The following NBN variants were observed in gnomAD, a reference collection of about 807,000 sequenced individuals.
The protein encoded by NBN is Nijmegen breakage syndrome 1 (nibrin).
NBN carries 88 observed loss-of-function variants against 90.8 expected under a neutral mutation model. That is an observed-to-expected ratio of 0.97 (90% CI 0.82 to 1.16). The LOEUF is 1.16. NBN is among the 50% of genes most tolerant of loss of function. The probability of loss-of-function intolerance (pLI) is 0.00; values close to 1 mark genes in which losing one functional copy is unlikely to be tolerated. For synonymous variants in NBN, 328 were observed against 295.1 expected, an observed-to-expected ratio of 1.11 and a Z score of -1.14; for missense variants, 894 against 869.6, an observed-to-expected ratio of 1.03 and a Z score of -0.35.
intron 8 of NBN, among the ~76,000 whole-genome samples, chr8:89,963,271 C>T (rs894915162): frequency 6.6e-6 from 1 of 152,172 alleles, no homozygotes; most frequent in African/African-American, 2.4e-5. Context: ...AGGAGATACA[C>T]GGACTGACTC....
intron 5 of NBN, among the ~76,000 whole-genome samples, chr8:89,975,645 T>C (rs1358349620): frequency 6.6e-6 from 1 of 152,334 alleles, no homozygotes; most frequent in East Asian, 1.9e-4. Flanking sequence ...ATAGTCGTCA[T>C]GTACATTGAT....
rs1586111504 is a variant in NBN, at chr8:89,982,724, G to A, written c.169C>T (p.Leu57=). ...GTGAAATAAAATTAGTAACATACCA[G>A]GTTGGTTACAGAAAAGTTAGCAGTT... ...VLTANFSVTN[L]SQTDEIPVLT... Residue 57 remains leucine, a splice_region_variant and synonymous_variant, in exon 2 of 16, where the codon CTG becomes TTG. Transcript: ENST00000265433. The A allele has an allele frequency of 6.2e-7, 1 of 1,613,032 alleles. No individual in the cohort carries two copies. The highest frequency in any genetic ancestry group is 8.5e-7 in the Non-Finnish European group (1 of 1,179,100).
chr8:89,945,177 A>G (rs1343873755), intron 13 of NBN, among the ~76,000 whole-genome samples: 1 of 152,218 alleles, frequency 6.6e-6, no homozygotes, highest in Non-Finnish European at 1.5e-5. Context: ...ATGAGATCTT[A>G]TAACACAATA....
intron 5 of NBN, among the ~76,000 whole-genome samples, chr8:89,973,782 C>T (rs978783386): frequency 6.6e-6 from 1 of 152,148 alleles, no homozygotes; most frequent in African/African-American, 2.4e-5. Context: ...GGAAAGTAAC[C>T]TGTCAGAGAC....
In NBN at chr8:89,964,433, T is replaced by C. The variant is rs781711300; in HGVS notation, c.971A>G (p.Asp324Gly). Residue 324 changes from aspartate to glycine, a missense_variant, in exon 8 of 16, where the codon GAT becomes GGT. Transcript: ENST00000265433. ...ACCTGTACTGGGATGGCCCTGAGGA[T>C]CACAGTAATTCTTTGTAGTCATGAA... is the stretch of plus-strand genomic sequence containing the variant. ...VIFMTTKNYC[D>G]PQGHPSTGLK... 6.2e-7 allele frequency: 1 copy of C among 1,613,856 alleles called. No homozygotes were observed. The highest frequency in any genetic ancestry group is 2.2e-5 in the East Asian group (1 of 44,826).
chr8:89,967,466 A>T (rs1431347643), intron 7 of NBN, among the ~76,000 whole-genome samples: 4 of 152,228 alleles, frequency 2.6e-5, no homozygotes, highest in African/African-American at 9.6e-5. Context: ...TGTCTGAAAA[A>T]TAACTAAATA....
chr8:89,981,712 T>C, intron 2 of NBN, 189 bp from the exon 3 acceptor site: 1 of 652,594 alleles, frequency 1.5e-6, no homozygotes, highest in Non-Finnish European at 2.6e-6. Context: ...CTTAGGGAAG[T>C]TTCTTAACCC....
chr8:89,951,757 A>G (rs988185970), intron 11 of NBN, among the ~76,000 whole-genome samples: 3 of 132,806 alleles, frequency 2.3e-5, no homozygotes, highest in African/African-American at 8.2e-5. Context: ...ATCCTTCACA[A>G]TAAAAAAAAA....
At chr8:89,960,967 A>T (rs568659862) in intron 8 of NBN, among the ~76,000 whole-genome samples, 24 of 152,270 alleles carry the variant, frequency 1.6e-4, no homozygotes, top group Middle Eastern at 3.4e-3. Context: ...ACCCACCTAA[A>T]CCTACCTACG....
At chr8:89,965,231 G>C (rs1208267311) in intron 7 of NBN, among the ~76,000 whole-genome samples, 1 of 152,156 alleles carries the variant, frequency 6.6e-6, no homozygotes, top group Non-Finnish European at 1.5e-5. Context: ...GAAGGACGGA[G>C]AGAAGTAGAC....
intron 11 of NBN, among the ~76,000 whole-genome samples, chr8:89,950,300 C>T (rs909636691): frequency 2.0e-5 from 3 of 152,164 alleles, no homozygotes; most frequent in Admixed American, 6.5e-5. Flanking sequence ...ATAAATTTTG[C>T]ATATAACCTA....
rs567816134 is a variant in NBN, at chr8:89,934,519, T to C, written c.*1063A>G. Reference sequence around the variant, plus strand: ...CAAGTAGATGCACTTCCACAAGATTTGGAAGGTGAGAGTGATGTAGAGGCC... The same window carrying C: ...CAAGTAGATGCACTTCCACAAGATTCGGAAGGTGAGAGTGATGTAGAGGCC... On this transcript the variant is annotated 3_prime_UTR_variant, in exon 16 of 16. Transcript: ENST00000265433. The C allele has an allele frequency of 4.3e-6, 1 of 233,210 alleles. No homozygotes were observed. The highest frequency in any genetic ancestry group is 2.2e-5 in the African/African-American group (1 of 45,476). 14.4% of individuals were successfully genotyped at this position (233,210 alleles called of 1,614,324 possible).
chr8:89,971,555 C>A (rs1811519645), intron 5 of NBN, among the ~76,000 whole-genome samples: 1 of 152,114 alleles, frequency 6.6e-6, no homozygotes, highest in Non-Finnish European at 1.5e-5. Flanking sequence ...ACAATCATAA[C>A]AGGATGAACA....
rs200297914 is a variant in NBN, at chr8:89,958,813, C to G, written c.1036G>C (p.Val346Leu). The stretch of plus-strand genomic sequence containing the variant: ...GGCATTAGTTTTTCATCAACTGACA[C>G]GCCTTGTGAAAGGCTTGGTCCTGGA... ...TTPGPSLSQG[V>L]SVDEKLMPSA... Residue 346 changes from valine (V) to leucine (L), a missense_variant, in exon 9 of 16, where the codon GTG (valine) becomes CTG (leucine). Val to Leu is a conservative substitution (Grantham distance 32, BLOSUM62 1). Coordinates refer to ENST00000265433, the MANE Select transcript of NBN (RefSeq NM_002485.5). The G allele has an allele frequency of 6.2e-7, 1 of 1,613,912 alleles. No homozygotes were observed. Among genetic ancestry groups the G allele is most frequent in the Non-Finnish European group, 8.5e-7 (1 of 1,179,794 alleles).
At chr8:89,950,582 TACA>T (rs1473858168) in intron 11 of NBN, among the ~76,000 whole-genome samples, 5 of 152,146 alleles carry the variant, frequency 3.3e-5, no homozygotes, top group African/African-American at 9.7e-5. Flanking sequence ...TCCAAAAGCC[TACA>T]ACAACATATT....
chr8:89,953,735 C>T (rs1262073299), intron 10 of NBN, 44 bp from the exon 11 acceptor site: 6 of 1,464,180 alleles, frequency 4.1e-6, no homozygotes, highest in Non-Finnish European at 5.6e-6. Flanking sequence ...AGAAAATGAA[C>T]ACAGCTAAGT....
At chr8:89,971,322 T>C (rs1811510264) in intron 5 of NBN, 32 bp from the exon 6 acceptor site, 5 of 1,577,590 alleles carry the variant, frequency 3.2e-6, no homozygotes, top group Middle Eastern at 2.2e-4. Flanking sequence ...ATTCTAATTA[T>C]ATACTACTAT....
chr8:89,956,265 T>C (rs1586061021), intron 9 of NBN, among the ~76,000 whole-genome samples: 1 of 151,232 alleles, frequency 6.6e-6, no homozygotes, highest in East Asian at 1.9e-4. Flanking sequence ...TAACAATTTC[T>C]CTTGAAAAAG....
chr8:89,939,937 C>T (rs566293994), intron 14 of NBN, among the ~76,000 whole-genome samples: 13 of 152,318 alleles, frequency 8.5e-5, no homozygotes, highest in Admixed American at 2.6e-4. Flanking sequence ...AAGCTGCACA[C>T]AGCTCCAGCT....
Sources: allele counts gnomAD v4.1 joint callset (sites outside exome capture counted in the v4.1 genomes callset), GRCh38; gene constraint gnomAD v4.1.1; transcripts MANE v1.5; gene names NCBI Gene and HGNC (gene_info 2026-07-23, HGNC 2026-07-21).